The following CLPX variants were observed in gnomAD, a reference collection of about 807,000 sequenced individuals.
CLPX encodes the protein caseinolytic mitochondrial matrix peptidase chaperone subunit X, also known as ATP-dependent clpX-like chaperone, mitochondrial.
In CLPX, 34 loss-of-function variants were observed where a neutral mutation model predicts 76.4. The ratio of observed to expected loss-of-function variants is 0.45; its 90% confidence interval spans 0.34 to 0.59. The LOEUF is 0.59. Ranked by LOEUF, CLPX falls within the 20% of genes least tolerant of loss-of-function variation. CLPX has a pLI of 0.01. For missense variants in CLPX, 613 were observed against 757.0 expected (o/e 0.81, Z 2.23); for synonymous variants, 248 against 270.9 (o/e 0.92, Z 0.83).
At chr15:65,168,567 G>T (rs2087951734) in intron 3 of CLPX, among the ~76,000 whole-genome samples, 1 of 138,402 alleles carries the variant, frequency 7.2e-6, no homozygotes, top group African/African-American at 2.7e-5. Flanking sequence ...TTGGACACAG[G>T]GTGGGGAACA....
intron 10 of CLPX, 89 bp downstream of exon 10, chr15:65,155,603 A>T (rs1453502395): frequency 1.0e-5 from 11 of 1,095,006 alleles, no homozygotes; most frequent in Non-Finnish European, 1.5e-5. Context: ...TAAAACTATG[A>T]CTGGTAGCCC....
intron 3 of CLPX, among the ~76,000 whole-genome samples, chr15:65,172,886 T>C (rs1280335309): frequency 6.6e-6 from 1 of 151,280 alleles, no homozygotes; most frequent in Non-Finnish European, 1.5e-5. Context: ...AGGGTGGCAT[T>C]TGCCTGTAGT....
chr15:65,185,184 C>G lies in CLPX; in HGVS notation c.-31G>C, dbSNP rs1346058405. 4 of 1,533,050 alleles carry G rather than the reference C, an allele frequency of 2.6e-6. No individual in the cohort carries two copies. The East Asian group carries it at 7.3e-5, about 28-fold the overall frequency. 95.0% of individuals were successfully genotyped at this position (1,533,050 alleles called of 1,614,324 possible). A position where few individuals can be genotyped will look rare whatever the true frequency, so the allele number is the denominator to read the frequency against. ...CGAGGCCTAGGCCGGGGCTTCGCCC[C>G]CTGAGGACCTCCGGGTCACAGCGGC... is the stretch of plus-strand genomic sequence containing the variant. On this transcript the variant is annotated 5_prime_UTR_variant, in exon 1 of 14. Transcript: ENST00000300107.
At chr15:65,179,785 TACTG>T (rs2088139175) in intron 2 of CLPX, among the ~76,000 whole-genome samples, 1 of 152,218 alleles carries the variant, frequency 6.6e-6, no homozygotes, top group South Asian at 2.1e-4. Context: ...AATTCAATCC[TACTG>T]ACTGTCATTT....
intron 1 of CLPX, 112 bp from the exon 2 acceptor site, chr15:65,180,316 T>C (rs111484623): frequency 8.3e-6 from 6 of 723,802 alleles, no homozygotes; most frequent in South Asian, 5.7e-5. Context: ...ATTTTCACAG[T>C]AGTATAAACT....
rs1375186907 is a variant in CLPX, at chr15:65,155,009, G to A, written c.1384C>T (p.Arg462Ter). The A allele has an allele frequency of 3.1e-6, 5 of 1,613,868 alleles. No individual in the cohort carries two copies. Among genetic ancestry groups the A allele is most frequent in the Non-Finnish European group, 3.4e-6 (4 of 1,179,996 alleles). The change falls in exon 11 of 14, where the codon CGA becomes TGA. Residue 462 changes from arginine to a stop codon, truncating the protein, a stop_gained. Coordinates refer to ENST00000300107, the MANE Select transcript of CLPX (RefSeq NM_006660.5). LOFTEE classifies it high-confidence loss of function. ...TGGTGAGTATTCGATTCCCCACTTCGATTAGCAAGGTCTGCAGCAGCTGCA... is the reference window on the plus strand; with the variant it reads ...TGGTGAGTATTCGATTCCCCACTTCAATTAGCAAGGTCTGCAGCAGCTGCA... ...RAAAAADLANRSGESNTHQDI... is the reference protein window; with the variant it reads ...RAAAAADLAN
intron 13 of CLPX, among the ~76,000 whole-genome samples, chr15:65,151,899 T>TA (rs2087725504): frequency 1.3e-5 from 2 of 152,166 alleles, no homozygotes; most frequent in South Asian, 4.1e-4. Context: ...TAGGAAACTG[T>TA]AGCTTGCTAG....
intron 6 of CLPX, 63 bp from the exon 7 acceptor site, chr15:65,158,814 A>C: frequency 1.4e-6 from 2 of 1,384,046 alleles, no homozygotes; most frequent in Non-Finnish European, 2.0e-6. Context: ...AAAATGTCCC[A>C]TAAAAACTTT....
chr15:65,161,634 TAAC>T lies in CLPX; in HGVS notation c.715+967_715+969del, dbSNP rs773223051. Among the ~76,000 whole-genome samples, 874 of 152,340 alleles carry T rather than the reference TAAC, an allele frequency of 5.7e-3. 5 individuals carry two copies. Among genetic ancestry groups the T allele is most frequent in the Middle Eastern group, 0.014 (4 of 294 alleles). ...CTTTCTTTACTAATTTAGTATAGGTTAACTAGCTGTCAACACAATTTATGAGTA... is the reference window on the plus strand; with the variant it reads ...CTTTCTTTACTAATTTAGTATAGGTTTAGCTGTCAACACAATTTATGAGTA... On this transcript the variant is annotated intron_variant, in intron 6 of 13. Transcript: ENST00000300107.
chr15:65,151,097 C>T (rs1016463198), intron 13 of CLPX, among the ~76,000 whole-genome samples, 184 bp from the exon 14 acceptor site: 3 of 152,106 alleles, frequency 2.0e-5, no homozygotes, highest in Admixed American at 2.0e-4. Flanking sequence ...GTAATCCCAG[C>T]ATTTTGGAAG....
In CLPX at chr15:65,157,830, C is replaced by T; in HGVS notation, c.973G>A (p.Ala325Thr). 1 of 1,613,846 alleles carries T rather than the reference C, an allele frequency of 6.2e-7. No homozygotes were observed. The highest frequency in any genetic ancestry group is 8.5e-7 in the Non-Finnish European group (1 of 1,179,896). ...AICDCTTLTQ[A>T]GYVGEDIESV... ...TCAATATCTTCGCCTACATATCCAG[C>T]CTGAGTCAAAGTTGTACAGTCACAG... is the stretch of plus-strand genomic sequence containing the variant. Residue 325 changes from alanine (A) to threonine (T), a missense_variant, in exon 8 of 14, where the codon GCT becomes ACT. Ala to Thr is a moderately conservative substitution (Grantham distance 58). This residue lies in a region of CLPX where 450 missense variants were observed against 638.6 expected (regional missense o/e 0.70). Coordinates refer to ENST00000300107, the MANE Select transcript of CLPX (RefSeq NM_006660.5).
intron 13 of CLPX, 120 bp downstream of exon 13, chr15:65,152,310 A>G: frequency 2.5e-6 from 1 of 397,288 alleles, no homozygotes; most frequent in Non-Finnish European, 4.4e-6. Flanking sequence ...ACTTGAGATT[A>G]TTGCTTCCCT....
intron 1 of CLPX, among the ~76,000 whole-genome samples, chr15:65,180,827 C>A (rs923434463): frequency 6.6e-6 from 1 of 151,628 alleles, no homozygotes; most frequent in African/African-American, 2.4e-5. Flanking sequence ...TCGCTTGAAC[C>A]CGGGAGGCGA....
chr15:65,180,472 C>CT (rs909504699), intron 1 of CLPX, among the ~76,000 whole-genome samples: 2 of 152,126 alleles, frequency 1.3e-5, no homozygotes, highest in East Asian at 3.8e-4. Flanking sequence ...CACGTCATAA[C>CT]TTTTTCAAAG....
intron 3 of CLPX, among the ~76,000 whole-genome samples, chr15:65,169,024 C>CT (rs779469503): frequency 1.4e-3 from 191 of 135,446 alleles, no homozygotes; most frequent in African/African-American, 1.9e-3. Context: ...CGCCTGCCTA[C>CT]TTTTTTTTTT....
In CLPX at chr15:65,185,191, A is replaced by T; in HGVS notation, c.-38T>A. On this transcript the variant is annotated 5_prime_UTR_variant, in exon 1 of 14. Coordinates refer to ENST00000300107, the MANE Select transcript of CLPX (RefSeq NM_006660.5). Reference sequence around the variant, plus strand: ...TAGGCCGGGGCTTCGCCCCCTGAGGACCTCCGGGTCACAGCGGCGTGAATC... The same window carrying T: ...TAGGCCGGGGCTTCGCCCCCTGAGGTCCTCCGGGTCACAGCGGCGTGAATC... 2 of 1,509,960 alleles carry T rather than the reference A, an allele frequency of 1.3e-6. No homozygotes were observed. The highest frequency in any genetic ancestry group is 1.8e-6 in the Non-Finnish European group (2 of 1,110,936). The allele number at this position is 1,509,960 out of a possible 1,614,324, so 93.5% of individuals were successfully genotyped here.
chr15:65,173,356 ACT>A (rs2088038770), intron 3 of CLPX, among the ~76,000 whole-genome samples: 1 of 137,318 alleles, frequency 7.3e-6, no homozygotes, highest in African/African-American at 2.9e-5. Context: ...ACAGAGTGAG[ACT>A]CTGTCTCAAA....
chr15:65,167,468 C>T (rs1368435191), intron 3 of CLPX, among the ~76,000 whole-genome samples: 1 of 152,086 alleles, frequency 6.6e-6, no homozygotes, highest in Non-Finnish European at 1.5e-5. Context: ...ATACAAGATT[C>T]ATATATTTTT....
At chr15:65,159,419 T>C (rs1428761155) in intron 6 of CLPX, among the ~76,000 whole-genome samples, 2 of 152,178 alleles carry the variant, frequency 1.3e-5, no homozygotes. Flanking sequence ...GAGAACAGCC[T>C]GGCCAACACG....
Sources: gnomAD v4.1 joint callset for allele counts (sites outside exome capture counted in the v4.1 genomes callset) on GRCh38, gnomAD v4.1.1 for gene constraint, gnomAD v4.1.1 regional missense constraint, MANE v1.5 for transcripts, NCBI Gene and HGNC (gene_info 2026-07-23, HGNC 2026-07-21) for gene names.